PEX7: variants seen among roughly 807,000 people sequenced by gnomAD.
PEX7 encodes PTS2 receptor.
PEX7 carries 34 observed loss-of-function variants against 47.5 expected under a neutral mutation model. The observed-to-expected ratio is 0.72, with a 90% confidence interval of 0.54 to 0.95. PEX7 has a LOEUF of 0.95. Ranked by LOEUF, PEX7 falls within the 40% of genes least tolerant of loss-of-function variation. PEX7 has a pLI of 0.00. For synonymous variants in PEX7, 141 were observed against 148.8 expected, an observed-to-expected ratio of 0.95 and a Z score of 0.38; for missense variants, 394 against 400.3, an observed-to-expected ratio of 0.98 and a Z score of 0.13.
intron 5 of PEX7, among the ~76,000 whole-genome samples, chr6:136,864,700 A>C (rs533627896): frequency 6.6e-6 from 1 of 152,216 alleles, no homozygotes; most frequent in Non-Finnish European, 1.5e-5. Context: ...ATACTTTAAA[A>C]ATTTAGCATT....
At chr6:136,823,212 C>G in intron 1 of PEX7, 1 of 985,396 alleles carries the variant, frequency 1.0e-6, no homozygotes, top group Non-Finnish European at 1.2e-6. Context: ...CGCGAGTTGG[C>G]CCACAATTCC....
At chr6:136,903,795 T>C (rs1353680252) in intron 9 of PEX7, among the ~76,000 whole-genome samples, 1 of 151,438 alleles carries the variant, frequency 6.6e-6, no homozygotes, top group Non-Finnish European at 1.5e-5. Flanking sequence ...ACTCCCACCC[T>C]ACCCTACTGA....
chr6:136,870,058 A>G lies in PEX7; in HGVS notation c.747+55A>G, dbSNP rs1042157679. On this transcript the variant is annotated intron_variant, in intron 7 of 9. Transcript: ENST00000318471. ...GAATAAAATTATATAAATATAATCA[A>G]TGAAGTGTATATTAAAAAGTGTTCT... The G allele has an allele frequency of 1.1e-4, 115 of 1,080,038 alleles. 1 individual carries two copies. The South Asian group carries it at 1.3e-3, about 12-fold the overall frequency. 66.9% of individuals were successfully genotyped at this position (1,080,038 alleles called of 1,614,324 possible).
intron 5 of PEX7, among the ~76,000 whole-genome samples, chr6:136,857,715 C>T (rs1582751990): frequency 6.6e-6 from 1 of 152,176 alleles, no homozygotes; most frequent in Non-Finnish European, 1.5e-5. Context: ...TTTCTAAAAT[C>T]AGGGTGATAA....
chr6:136,824,259 G>A (rs1774145436), intron 1 of PEX7, among the ~76,000 whole-genome samples: 1 of 152,004 alleles, frequency 6.6e-6, no homozygotes, highest in Admixed American at 6.5e-5. Context: ...TGAGTAGAGT[G>A]GTGCAATCAC....
intron 8 of PEX7, among the ~76,000 whole-genome samples, chr6:136,884,282 A>G (rs1243587356): frequency 6.6e-6 from 1 of 152,208 alleles, no homozygotes; most frequent in East Asian, 1.9e-4. Flanking sequence ...ATGTGATATG[A>G]GTTAAATTTA....
In PEX7 at chr6:136,825,102, T is replaced by C. The variant is rs970447581; in HGVS notation, c.131-112T>C. 31 of 882,336 alleles carry C rather than the reference T, an allele frequency of 3.5e-5. No homozygotes were observed. The East Asian group carries it at 6.9e-4, about 20-fold the overall frequency. The allele number at this position is 882,336 out of a possible 1,614,324, so 54.7% of individuals were successfully genotyped here. A position where few individuals can be genotyped will look rare whatever the true frequency, so the allele number is the denominator to read the frequency against. ...TTGGTATTCAAGGTCCCAAATACTT[T>C]GGGGAAAAATTTGTGGTATTAAAAT... is the stretch of plus-strand genomic sequence containing the variant. On this transcript the variant is annotated intron_variant, in intron 1 of 9. Transcript: ENST00000318471.
At chr6:136,833,473 T>C (rs1774330435) in intron 3 of PEX7, among the ~76,000 whole-genome samples, 1 of 152,264 alleles carries the variant, frequency 6.6e-6, no homozygotes, top group South Asian at 2.1e-4. Flanking sequence ...GAAATGCATT[T>C]ATGTTTAAGA....
intron 9 of PEX7, among the ~76,000 whole-genome samples, chr6:136,909,581 A>C (rs1216446337): frequency 6.6e-6 from 1 of 152,184 alleles, no homozygotes; most frequent in Non-Finnish European, 1.5e-5. Flanking sequence ...GTTAGTTAGT[A>C]AAGTGCTTTT....
chr6:136,904,807 A>G (rs1775817057), intron 9 of PEX7, among the ~76,000 whole-genome samples: 1 of 152,088 alleles, frequency 6.6e-6, no homozygotes, highest in African/African-American at 2.4e-5. Context: ...GGACTAATAC[A>G]TACCCCTTGC....
intron 8 of PEX7, among the ~76,000 whole-genome samples, chr6:136,874,734 TTTACTC>T (rs1177225340): frequency 6.6e-6 from 1 of 152,250 alleles, no homozygotes; most frequent in Middle Eastern, 3.4e-3. Flanking sequence ...CATTGGTTGT[TTTACTC>T]TTGTTATTTC....
At chr6:136,886,267 A>G (rs1775466608) in intron 8 of PEX7, among the ~76,000 whole-genome samples, 1 of 152,192 alleles carries the variant, frequency 6.6e-6, no homozygotes, top group Non-Finnish European at 1.5e-5. Flanking sequence ...GGAGATATTT[A>G]GAAACGTTCT....
At chr6:136,865,312 T>A (rs563947827) in intron 5 of PEX7, among the ~76,000 whole-genome samples, 7 of 152,236 alleles carry the variant, frequency 4.6e-5, no homozygotes, top group East Asian at 3.9e-4. Flanking sequence ...TTATTTATTT[T>A]TTTGAGATAG....
chr6:136,898,132 A>T lies in PEX7; in HGVS notation c.804-10A>T. 1 of 1,516,448 alleles carries T rather than the reference A, an allele frequency of 6.6e-7. No individual in the cohort carries two copies. The highest frequency in any genetic ancestry group is 9.2e-7 in the Non-Finnish European group (1 of 1,091,064). 93.9% of individuals were successfully genotyped at this position (1,516,448 alleles called of 1,614,324 possible). On this transcript the variant is annotated splice_polypyrimidine_tract_variant and intron_variant, in intron 8 of 9. Coordinates refer to ENST00000318471, the MANE Select transcript of PEX7 (RefSeq NM_000288.4). ...GCATTTAAATTATTCCCTTTTATTT[A>T]TCTTCACAGATTCTGGAACTTTTCA...
At chr6:136,851,012 T>TA (rs1180635918) in intron 5 of PEX7, among the ~76,000 whole-genome samples, 12 of 138,136 alleles carry the variant, frequency 8.7e-5, no homozygotes, top group Non-Finnish European at 1.4e-4. Flanking sequence ...TTTTTTTTTT[T>TA]ATTATACTCT....
At chr6:136,845,781 TA>T (rs1297737094) in intron 4 of PEX7, 89 bp downstream of exon 4, 4 of 864,402 alleles carry the variant, frequency 4.6e-6, no homozygotes, top group Non-Finnish European at 6.0e-6. Context: ...CATACTTCTG[TA>T]GCTCTATGAT....
chr6:136,908,948 A>G (rs1486987817), intron 9 of PEX7, among the ~76,000 whole-genome samples: 1 of 152,190 alleles, frequency 6.6e-6, no homozygotes, highest in East Asian at 1.9e-4. Context: ...TCCACCTGAA[A>G]GCAGGCACTT....
intron 1 of PEX7, 49 bp from the exon 2 acceptor site, chr6:136,825,165 G>A (rs768736911): frequency 4.8e-6 from 7 of 1,467,680 alleles, no homozygotes; most frequent in Non-Finnish European, 5.7e-6. Context: ...GACTTTCGAT[G>A]TTACCCTGGC....
chr6:136,863,608 A>G (rs1291602483), intron 5 of PEX7, among the ~76,000 whole-genome samples: 1 of 152,154 alleles, frequency 6.6e-6, no homozygotes, highest in Non-Finnish European at 1.5e-5. Context: ...TCTCCGATTT[A>G]TAGAAAAAGT....
Sources: allele counts gnomAD v4.1 joint callset (sites outside exome capture counted in the v4.1 genomes callset), GRCh38; gene constraint gnomAD v4.1.1; transcripts MANE v1.5; gene names NCBI Gene and HGNC (gene_info 2026-07-23, HGNC 2026-07-21).